The following EXTL1 variants were observed in gnomAD, a reference collection of about 807,000 sequenced individuals.
EXTL1 encodes exostosin-like 1.
In EXTL1, 43 loss-of-function variants were observed where a neutral mutation model predicts 64.6. The observed-to-expected ratio is 0.67, with a 90% CI of 0.52 to 0.86. The LOEUF is 0.86. Ranked by LOEUF, EXTL1 falls within the 40% of genes least tolerant of loss-of-function variation. The probability of loss-of-function intolerance (pLI) is 0.00; values close to 1 mark genes in which losing one functional copy is unlikely to be tolerated. For synonymous variants in EXTL1, 352 were observed against 360.5 expected (o/e 0.98, Z 0.27); for missense variants, 766 against 879.0 (o/e 0.87, Z 1.62).
chr1:26,033,247 C>G lies in EXTL1; in HGVS notation c.1450C>G (p.Pro484Ala), dbSNP rs1476411529. The stretch of plus-strand genomic sequence containing the variant: ...CCTGCAGGTTAGTGATCGCTTCTAC[C>G]CATATAGCACCATCAGAACAGATGC... ...GHRKVSDRFY[P>A]YSTIRTDAIL... Residue 484 changes from proline to alanine, a missense_variant, in exon 8 of 11, where the codon CCA (proline) becomes GCA (alanine). Coordinates refer to ENST00000374280, the MANE Select transcript of EXTL1 (RefSeq NM_004455.3). The surrounding 1 kb of genome is among the most constrained non-coding windows in gnomAD (Gnocchi z 5.1). 6.2e-6 allele frequency: 10 copies of G among 1,613,750 alleles called. No individual in the cohort carries two copies. In the African/African-American group the frequency reaches 9.3e-5, roughly 15 times the overall value.
Position 26,035,466 on chromosome 1 carries a change from C to A in EXTL1, c.*119C>A. 1.1e-6 allele frequency: 1 copy of A among 940,882 alleles called. No homozygotes were observed. Among genetic ancestry groups the A allele is most frequent in the Non-Finnish European group, 1.6e-6 (1 of 644,276 alleles). The allele number at this position is 940,882 out of a possible 1,614,324, so 58.3% of individuals were successfully genotyped here. On this transcript the variant is annotated 3_prime_UTR_variant, in exon 11 of 11. Transcript: ENST00000374280. The surrounding 1 kb of genome is among the most constrained non-coding windows in gnomAD (Gnocchi z 5.3). ...AACCTATCATGTCAGCCAGCGGGCC[C>A]ACACGTCGGACCCCGGTTGGCCAAT...
rs766951430 is a variant in EXTL1, at chr1:26,029,631, G to A, written c.905G>A (p.Arg302His). ...AGCIPVLLSPRWELPFSEVID... is the reference protein window; with the variant it reads ...AGCIPVLLSPHWELPFSEVID... ...TGCATCCCAGTGCTTCTCAGCCCCC[G>A]CTGGGAGCTGCCCTTCTCCGAGGTC... Residue 302 changes from arginine (R) to histidine (H), a missense_variant, in exon 3 of 11, where the codon CGC becomes CAC. By Grantham distance (29) the Arg-to-His change is conservative. Transcript: ENST00000374280. 42 of 1,610,632 alleles carry A rather than the reference G, an allele frequency of 2.6e-5. No individual in the cohort carries two copies. Among genetic ancestry groups the A allele is most frequent in the Middle Eastern group, 3.8e-4 (2 of 5,324 alleles).
rs2050180072 is a variant in EXTL1, at chr1:26,023,531, C to T, written c.779+106C>T. The T allele has an allele frequency of 1.9e-5, 23 of 1,219,320 alleles. No individual in the cohort carries two copies. The South Asian group carries it at 4.8e-4, about 25-fold the overall frequency. The allele number at this position is 1,219,320 out of a possible 1,614,324, so 75.5% of individuals were successfully genotyped here. ...GACTGAGATGGGAGAACCAGGTAGT[C>T]CTGGTAGACTTAGGCCTCAGCTGCA... is the stretch of plus-strand genomic sequence containing the variant. On this transcript the variant is annotated intron_variant, in intron 1 of 10. Transcript: ENST00000374280.
At chr1:26,027,689 T>TAAAAA (rs61364586) in intron 1 of EXTL1, among the ~76,000 whole-genome samples, 2 of 57,066 alleles carry the variant, frequency 3.5e-5, no homozygotes, top group African/African-American at 1.3e-4. Flanking sequence ...ACCCCATCTC[T>TAAAAA]AAAAAAAAAA....
rs780350754 is a variant in EXTL1, at chr1:26,022,938, G to C, written c.292G>C (p.Val98Leu). The C allele has an allele frequency of 2.7e-5, 43 of 1,613,982 alleles. No individual in the cohort carries two copies. The East Asian group carries it at 8.2e-4, about 31-fold the overall frequency. Reference sequence around the variant, plus strand: ...AAAGTGCAGGGGCGATGGCCTTAAGGTATTCGTGTACCCAGCGGTTGGAAC... The same window carrying C: ...AAAGTGCAGGGGCGATGGCCTTAAGCTATTCGTGTACCCAGCGGTTGGAAC... Reference protein sequence around the residue: ...TSKCRGDGLKVFVYPAVGTIS... With the variant: ...TSKCRGDGLKLFVYPAVGTIS... The change falls in exon 1 of 11, where the codon GTA becomes CTA. Residue 98 changes from valine (V) to leucine (L), a missense_variant. By Grantham distance (32) the Val-to-Leu change is conservative. Around this residue, in one of 3 missense-constraint regions of EXTL1, gnomAD observed 571 missense variants for 647.6 expected, o/e 0.88. Transcript: ENST00000374280.
rs957026665 is a variant in EXTL1, at chr1:26,034,240, C to T, written c.1679+384C>T. Among the ~76,000 whole-genome samples, 10 of 152,198 alleles carry T rather than the reference C, an allele frequency of 6.6e-5. No homozygotes were observed. Among genetic ancestry groups the T allele is most frequent in the Admixed American group, 6.5e-4 (10 of 15,280 alleles). On this transcript the variant is annotated intron_variant, in intron 9 of 10. Coordinates refer to ENST00000374280, the MANE Select transcript of EXTL1 (RefSeq NM_004455.3). This position sits in a 1 kb window ranked among gnomAD's most constrained non-coding sequence, Gnocchi z 4.6. ...AATGTGGATGTTATGAGTTGGGGAA[C>T]ATCCCAGACCTTCCAGAAGCTGCCT...
chr1:26,033,907 C>G lies in EXTL1; in HGVS notation c.1679+51C>G. The G allele has an allele frequency of 6.5e-7, 1 of 1,527,006 alleles. No homozygotes were observed. Among genetic ancestry groups the G allele is most frequent in the Non-Finnish European group, 8.9e-7 (1 of 1,128,844 alleles). 94.6% of individuals were successfully genotyped at this position (1,527,006 alleles called of 1,614,324 possible). A position where few individuals can be genotyped will look rare whatever the true frequency, so the allele number is the denominator to read the frequency against. ...ATCAGAGTATCAGAGGACCAGAGAC[C>G]CCACCCCCACCCCGAACGGAGCAGA... On this transcript the variant is annotated intron_variant, in intron 9 of 10. Coordinates refer to ENST00000374280, the MANE Select transcript of EXTL1 (RefSeq NM_004455.3). The surrounding 1 kb of genome is among the most constrained non-coding windows in gnomAD (Gnocchi z 5.1).
chr1:26,033,249 A>G lies in EXTL1; in HGVS notation c.1452A>G (p.Pro484=), dbSNP rs2050307284. 4 of 1,613,716 alleles carry G rather than the reference A, an allele frequency of 2.5e-6. No homozygotes were observed. The East Asian group carries it at 6.7e-5, about 27-fold the overall frequency. The change falls in exon 8 of 11, where the codon CCA becomes CCG. Residue 484 remains proline (P), a synonymous_variant. Coordinates refer to ENST00000374280, the MANE Select transcript of EXTL1 (RefSeq NM_004455.3). This position sits in a 1 kb window ranked among gnomAD's most constrained non-coding sequence, Gnocchi z 5.1. ...TGCAGGTTAGTGATCGCTTCTACCC[A>G]TATAGCACCATCAGAACAGATGCCA... ...GHRKVSDRFY[P]YSTIRTDAIL...
Position 26,022,289 on chromosome 1 carries a change from G to C in EXTL1, c.-358G>C, listed in dbSNP as rs545252422. On this transcript the variant is annotated 5_prime_UTR_variant, in exon 1 of 11. Coordinates refer to ENST00000374280, the MANE Select transcript of EXTL1 (RefSeq NM_004455.3). ...TGCAGCCAGGAGGGCAGGGGGACACGGCCCTGCATTCTGGACAGGGGTTGC... is the reference window on the plus strand; with the variant it reads ...TGCAGCCAGGAGGGCAGGGGGACACCGCCCTGCATTCTGGACAGGGGTTGC... 4.8e-6 allele frequency: 1 copy of C among 209,886 alleles called. No individual in the cohort carries two copies. The highest frequency in any genetic ancestry group is 9.4e-6 in the Non-Finnish European group (1 of 106,528). 13.0% of individuals were successfully genotyped at this position (209,886 alleles called of 1,614,324 possible).
At position 26,022,895 on chromosome 1, in the gene EXTL1, A is replaced by G. The variant is rs150049052; in HGVS notation, c.249A>G (p.Glu83=). 89 of 1,614,084 alleles carry G rather than the reference A, an allele frequency of 5.5e-5. No homozygotes were observed. The African/African-American group carries it at 1.1e-3, about 19-fold the overall frequency. The change falls in exon 1 of 11, where the codon GAA becomes GAG. Residue 83 remains glutamate (E), a synonymous_variant. Transcript: ENST00000374280. ...CTCATGGTGGCAGCTGCAACTGGGA[A>G]TCTTGCTTTGATACCTCAAAGTGCA... ...QAPHGGSCNW[E]SCFDTSKCRG...
chr1:26,024,891 T>C (rs17163470), intron 1 of EXTL1, among the ~76,000 whole-genome samples: 22,778 of 152,240 alleles, frequency 0.15, 2,134 homozygotes, highest in East Asian at 0.33. Context: ...CTGAACTTCT[T>C]TGAGAAACTG....
At chr1:26,028,485 C>A (rs917494644) in intron 1 of EXTL1, among the ~76,000 whole-genome samples, 1 of 152,216 alleles carries the variant, frequency 6.6e-6, no homozygotes, top group African/African-American at 2.4e-5. Context: ...CTTTATCCCT[C>A]CCCTGGCTGG....
At position 26,022,882 on chromosome 1, in the gene EXTL1, G is replaced by C. The variant is rs147365470; in HGVS notation, c.236G>C (p.Ser79Thr). ...VSPPQAPHGG[S>T]CNWESCFDTS... is the part of the protein sequence containing the mutation. ...CCTCCTCAAGCCCCTCATGGTGGCA[G>C]CTGCAACTGGGAATCTTGCTTTGAT... The change falls in exon 1 of 11, where the codon AGC (serine) becomes ACC (threonine). Residue 79 changes from serine (S) to threonine (T), a missense_variant. Ser to Thr is a moderately conservative substitution (Grantham distance 58). Coordinates refer to ENST00000374280, the MANE Select transcript of EXTL1 (RefSeq NM_004455.3). 3.8e-5 allele frequency: 61 copies of C among 1,614,048 alleles called. No homozygotes were observed. Among genetic ancestry groups the C allele is most frequent in the Middle Eastern group, 3.3e-4 (2 of 6,062 alleles).
rs375069374 is a variant in EXTL1, at chr1:26,022,737, C to T, written c.91C>T (p.Arg31Cys). The T allele has an allele frequency of 2.2e-5, 36 of 1,614,004 alleles. No homozygotes were observed. In the Admixed American group the frequency reaches 3.3e-4, roughly 15 times the overall value. Residue 31 changes from arginine (R) to cysteine (C), a missense_variant, in exon 1 of 11, where the codon CGC becomes TGC. Arg to Cys is a radical substitution (Grantham distance 180). Transcript: ENST00000374280. ...CCTGCTGGGAGGCTTCTCCCTTCTCCGCCTGGCATTGCCTCCCAGACCTCG... is the reference window on the plus strand; with the variant it reads ...CCTGCTGGGAGGCTTCTCCCTTCTCTGCCTGGCATTGCCTCCCAGACCTCG... ...LVLLGGFSLL[R>C]LALPPRPRPG...
In EXTL1 at chr1:26,029,287, G is replaced by A. The variant is rs2050254494; in HGVS notation, c.873+1G>A. On this transcript the variant is annotated splice_donor_variant, in intron 2 of 10. Coordinates refer to ENST00000374280, the MANE Select transcript of EXTL1 (RefSeq NM_004455.3). LOFTEE classifies it high-confidence loss of function. ...CTCGCGCTTCCTCCAAGCCCTGCAG[G>A]TACAACCCCAATTTGAGCATCACCC... 1 of 1,612,072 alleles carries A rather than the reference G, an allele frequency of 6.2e-7. No individual in the cohort carries two copies. Among genetic ancestry groups the A allele is most frequent in the African/African-American group, 1.3e-5 (1 of 74,842 alleles).
At chr1:26,023,607 G>C (rs2050181382) in intron 1 of EXTL1, among the ~76,000 whole-genome samples, 182 bp downstream of exon 1, 1 of 152,162 alleles carries the variant, frequency 6.6e-6, no homozygotes, top group Non-Finnish European at 1.5e-5. Context: ...CATTAAGATG[G>C]GGACTTGAAG....
rs375630173 is a variant in EXTL1, at chr1:26,035,013, T to C, written c.1848+9T>C. On this transcript the variant is annotated intron_variant, in intron 10 of 10. Transcript: ENST00000374280. The surrounding 1 kb of genome is among the most constrained non-coding windows in gnomAD (Gnocchi z 5.3). ...AGGAGGCTGCTCCACTGGTGAGGGC[T>C]GAGGGGGATTGGTCGGAACTGGCAG... The C allele has an allele frequency of 3.7e-6, 6 of 1,613,652 alleles. No homozygotes were observed. In the African/African-American group the frequency reaches 5.3e-5, roughly 14 times the overall value.
At position 26,033,600 on chromosome 1, in the gene EXTL1, C is replaced by G. The variant is rs544018459; in HGVS notation, c.1519-96C>G. ...CGCGCCCTCTCCCCTGAGTCCTGCC[C>G]GGGCCCCTCAGCCAGGCTGCCCCTG... On this transcript the variant is annotated intron_variant, in intron 8 of 10. Coordinates refer to ENST00000374280, the MANE Select transcript of EXTL1 (RefSeq NM_004455.3). This position sits in a 1 kb window ranked among gnomAD's most constrained non-coding sequence, Gnocchi z 5.1. The G allele has an allele frequency of 7.5e-7, 1 of 1,339,906 alleles. No homozygotes were observed. The allele number at this position is 1,339,906 out of a possible 1,614,324, so 83.0% of individuals were successfully genotyped here.
intron 2 of EXTL1, 73 bp from the exon 3 acceptor site, chr1:26,029,527 G>T (rs1206566164): frequency 2.2e-6 from 2 of 906,704 alleles, no homozygotes; most frequent in Non-Finnish European, 3.5e-6. Context: ...AGCAGCTACT[G>T]ACTTGGAACT....
Sources: allele counts gnomAD v4.1 joint callset (sites outside exome capture counted in the v4.1 genomes callset), GRCh38; gene constraint gnomAD v4.1.1; regional missense constraint gnomAD v4.1.1; non-coding constraint Gnocchi (gnomAD v3.1); transcripts MANE v1.5; gene names NCBI Gene and HGNC (gene_info 2026-07-23, HGNC 2026-07-21).